MYO7A: variants seen among roughly 807,000 people sequenced by gnomAD.
MYO7A encodes the protein myosin VIIA.
A neutral mutation model predicts 263.8 loss-of-function variants in MYO7A; 210 were observed. The ratio of observed to expected loss-of-function variants is 0.80; its 90% CI spans 0.71 to 0.89. The LOEUF is 0.89. Ranked by LOEUF, MYO7A falls within the 40% of genes least tolerant of loss-of-function variation. MYO7A has a pLI of 0.00. For synonymous variants in MYO7A, 1,239 were observed against 1,197.3 expected (o/e 1.03, Z -0.72); for missense variants, 2,820 against 2,968.3 (o/e 0.95, Z 1.16).
At position 77,175,546 on chromosome 11, in the gene MYO7A, G is replaced by A. The variant is rs995606789; in HGVS notation, c.2187+82G>A. 2.5e-5 allele frequency: 32 copies of A among 1,268,206 alleles called. No homozygotes were observed. The South Asian group carries it at 3.8e-4, about 15-fold the overall frequency. 78.6% of individuals were successfully genotyped at this position (1,268,206 alleles called of 1,614,324 possible). On this transcript the variant is annotated intron_variant, in intron 18 of 48. Transcript: ENST00000409709. The stretch of plus-strand genomic sequence containing the variant: ...TGGGCTGGGGTGCTCGGGAGAGGGA[G>A]GCAGTGCTGGGGCTTTGAGATCCTT...
chr11:77,175,887 G>T (rs887238467), intron 18 of MYO7A, among the ~76,000 whole-genome samples: 7 of 152,230 alleles, frequency 4.6e-5, no homozygotes, highest in Admixed American at 2.0e-4. Flanking sequence ...CCCGTGCTGG[G>T]GTCCGCAGCA....
At chr11:77,132,795 T>C (rs554681081) in intron 2 of MYO7A, among the ~76,000 whole-genome samples, 80 of 151,542 alleles carry the variant, frequency 5.3e-4, no homozygotes, top group African/African-American at 1.9e-3. Flanking sequence ...TGGATAGAGG[T>C]TTTTAATCTG....
intron 31 of MYO7A, among the ~76,000 whole-genome samples, chr11:77,193,875 G>A (rs1036759757): frequency 1.3e-5 from 2 of 152,162 alleles, no homozygotes; most frequent in Non-Finnish European, 2.9e-5. Flanking sequence ...CACTTTAACT[G>A]TCCCCCAAGT....
chr11:77,177,497 G>A (rs1406177460), intron 18 of MYO7A, 52 bp from the exon 19 acceptor site: 5 of 1,402,756 alleles, frequency 3.6e-6, no homozygotes, highest in Admixed American at 1.9e-5. Context: ...GACTGAGCAG[G>A]TGGTCCTAGA....
chr11:77,157,061 T>C (rs1952538850), intron 7 of MYO7A, 57 bp downstream of exon 7: 4 of 1,582,160 alleles, frequency 2.5e-6, no homozygotes, highest in Non-Finnish European at 2.6e-6. Flanking sequence ...CTCAGGGGTC[T>C]GCGTGGCCCA....
intron 36 of MYO7A, among the ~76,000 whole-genome samples, chr11:77,202,077 A>G (rs1211145761): frequency 6.6e-6 from 1 of 152,094 alleles, no homozygotes; most frequent in African/African-American, 2.4e-5. Context: ...GACTGACCCA[A>G]CCTGATCAGA....
intron 30 of MYO7A, 181 bp downstream of exon 30, chr11:77,191,051 G>C: frequency 1.5e-6 from 1 of 657,810 alleles, no homozygotes; most frequent in South Asian, 2.5e-5. Context: ...GCCAGGTGCG[G>C]TGGTTCACAC....
In MYO7A at chr11:77,175,351, T is replaced by G. The variant is rs1954539638; in HGVS notation, c.2095-21T>G. On this transcript the variant is annotated intron_variant, in intron 17 of 48. Transcript: ENST00000409709. ...ACTGGAGAGGCTGTCCATTCCCTTG[T>G]GTTCCCCATCCTCACTCCAGGGCGA... The G allele has an allele frequency of 1.9e-6, 3 of 1,610,650 alleles. No homozygotes were observed. The East Asian group carries it at 6.7e-5, about 36-fold the overall frequency.
rs782345410 is a variant in MYO7A, at chr11:77,181,626, C to T, written c.2904+37C>T. On this transcript the variant is annotated intron_variant, in intron 23 of 48. Transcript: ENST00000409709. ...GGGACAGGGGCTCCAGAGGCCCACA[C>T]ACACCGCTTGTGTTGATCCTCCCTC... 4 of 1,586,488 alleles carry T rather than the reference C, an allele frequency of 2.5e-6. No individual in the cohort carries two copies. The Admixed American group carries it at 5.1e-5, about 20-fold the overall frequency.
At chr11:77,151,878 G>C (rs930679887) in intron 4 of MYO7A, among the ~76,000 whole-genome samples, 4 of 152,214 alleles carry the variant, frequency 2.6e-5, no homozygotes, top group Admixed American at 2.6e-4. Flanking sequence ...GTGTTCCTGG[G>C]GTTTGGGGAA....
chr11:77,168,275 G>A (rs578044774), intron 15 of MYO7A, among the ~76,000 whole-genome samples: 3 of 152,160 alleles, frequency 2.0e-5, no homozygotes, highest in Non-Finnish European at 4.4e-5. Flanking sequence ...AGAAATCATG[G>A]AGAGGTCAAA....
Position 77,182,110 on chromosome 11 carries a change from C to T in MYO7A, c.3064C>T (p.Leu1022Phe). 6.2e-7 allele frequency: 1 copy of T among 1,613,436 alleles called. No homozygotes were observed. The highest frequency in any genetic ancestry group is 8.5e-7 in the Non-Finnish European group (1 of 1,179,880). ...CACGCACTCCTACACCCGGCGGCCA[C>T]TCAAACAGCCACTGCTCTACCATGA... is the stretch of plus-strand genomic sequence containing the variant. ...TTTHSYTRRP[L>F]KQPLLYHDDE... Residue 1022 changes from leucine to phenylalanine, a missense_variant, in exon 24 of 49, where the codon CTC becomes TTC. By Grantham distance (22) the Leu-to-Phe change is conservative (BLOSUM62 0). Coordinates refer to ENST00000409709, the MANE Select transcript of MYO7A (RefSeq NM_000260.4).
chr11:77,213,116 C>A, intron 47 of MYO7A, 81 bp downstream of exon 47: 3 of 1,092,258 alleles, frequency 2.7e-6, no homozygotes, highest in Non-Finnish European at 4.1e-6. Flanking sequence ...ACCCCACAAG[C>A]CCTCCTAGCC....
chr11:77,173,019 T>G (rs1591340511), intron 16 of MYO7A, 134 bp downstream of exon 16: 4 of 1,308,180 alleles, frequency 3.1e-6, no homozygotes, highest in East Asian at 5.1e-5. Flanking sequence ...CCCCGGGAGC[T>G]TACAAAACAA....
At position 77,197,432 on chromosome 11, in the gene MYO7A, A is replaced by G. The variant is rs748348337; in HGVS notation, c.4324-49A>G. 5.8e-5 allele frequency: 82 copies of G among 1,409,736 alleles called. No individual in the cohort carries two copies. The African/African-American group carries it at 9.3e-4, about 16-fold the overall frequency. The allele number at this position is 1,409,736 out of a possible 1,614,324, so 87.3% of individuals were successfully genotyped here. A position where few individuals can be genotyped will look rare whatever the true frequency, so the allele number is the denominator to read the frequency against. On this transcript the variant is annotated intron_variant, in intron 32 of 48. Coordinates refer to ENST00000409709, the MANE Select transcript of MYO7A (RefSeq NM_000260.4). ...GCAGCAGCAGCTGATTTTTAGAGCA[A>G]ACTCACTCGTATGTTGTCTTCTGTC...
intron 14 of MYO7A, among the ~76,000 whole-genome samples, chr11:77,163,888 G>T (rs144829555): frequency 8.5e-5 from 13 of 152,204 alleles, no homozygotes; most frequent in African/African-American, 2.9e-4. Context: ...GAACACTTGT[G>T]TACAAATATC....
chr11:77,143,267 G>C (rs1300729588), intron 3 of MYO7A, among the ~76,000 whole-genome samples: 5 of 152,202 alleles, frequency 3.3e-5, no homozygotes, highest in African/African-American at 1.2e-4. Context: ...TCACAGGGCT[G>C]TTGACCCATA....
chr11:77,166,615 G>A (rs530800312), intron 15 of MYO7A, among the ~76,000 whole-genome samples: 401 of 152,286 alleles, frequency 2.6e-3, no homozygotes, highest in Non-Finnish European at 4.3e-3. Flanking sequence ...CCTTTCCTTA[G>A]GCCCTAGGGT....
intron 14 of MYO7A, among the ~76,000 whole-genome samples, 178 bp downstream of exon 14, chr11:77,163,166 C>T (rs1391925231): frequency 6.6e-6 from 1 of 151,962 alleles, no homozygotes; most frequent in Non-Finnish European, 1.5e-5. Flanking sequence ...GCACTAAGTA[C>T]TTCACAGTGC....
Sources: gnomAD v4.1 joint callset for allele counts (sites outside exome capture counted in the v4.1 genomes callset) on GRCh38, gnomAD v4.1.1 for gene constraint, MANE v1.5 for transcripts, NCBI Gene and HGNC (gene_info 2026-07-23, HGNC 2026-07-21) for gene names.